Variants in MYO1E observed in about 807,000 individuals in gnomAD.
The protein encoded by MYO1E is myosin IE, also known as unconventional myosin-Ie.
In MYO1E, 68 loss-of-function variants were observed where a neutral mutation model predicts 151.1. That is an observed-to-expected ratio of 0.45 (90% CI 0.37 to 0.55). The LOEUF (loss-of-function observed/expected upper bound fraction) is 0.55, where lower values mean the gene tolerates loss of function less well. Among genes scored for constraint, MYO1E ranks in the 20% least tolerant of loss-of-function variants. MYO1E has a pLI of 0.00. For synonymous variants in MYO1E, 601 were observed against 501.7 expected (o/e 1.20, Z -2.64); for missense variants, 1,363 against 1,389.3 (o/e 0.98, Z 0.30).
At chr15:59,277,686 T>C (rs2080329470) in intron 1 of MYO1E, among the ~76,000 whole-genome samples, 1 of 152,070 alleles carries the variant, frequency 6.6e-6, no homozygotes, top group Non-Finnish European at 1.5e-5. Context: ...AAGTTTGTAA[T>C]AGGGAAACAG....
Position 59,247,287 on chromosome 15 carries a change from G to A in MYO1E, c.332+8997C>T, listed in dbSNP as rs566606571. ...CAAGTCCAGGGGTAACTAACCTGGC[G>A]AACCTGTCCTGACCTCTGTCCTATG... On this transcript the variant is annotated intron_variant, in intron 4 of 27. Transcript: ENST00000288235. Among the ~76,000 whole-genome samples the A allele has an allele frequency of 4.6e-5, 7 of 152,302 alleles. No individual in the cohort carries two copies. The South Asian group carries it at 6.2e-4, about 14-fold the overall frequency.
rs114972027 is a variant in MYO1E at position 59,367,487 on chromosome 15, C to T, written c.3+5011G>A. 2.9e-3 allele frequency among the ~76,000 whole-genome samples: 439 copies of T among 152,288 alleles called. 6 individuals are homozygous for T. The highest frequency in any genetic ancestry group is 0.01 in the African/African-American group (424 of 41,554). On this transcript the variant is annotated intron_variant, in intron 1 of 27. Coordinates refer to ENST00000288235, the MANE Select transcript of MYO1E (RefSeq NM_004998.4). ...AAAAGCTCAATTTGCAGCCTCACCACTCGTGGAACCATCCTACACAGGTGT... is the reference window on the plus strand; with the variant it reads ...AAAAGCTCAATTTGCAGCCTCACCATTCGTGGAACCATCCTACACAGGTGT...
Position 59,175,250 on chromosome 15 carries a change from A to G in MYO1E, c.2050-1010T>C, listed in dbSNP as rs539460916. Reference sequence around the variant, plus strand: ...CTTGATCCACTTGTAAAATAGTAGGAAACCTTCTCATTTACCTTGAGAGTG... The same window carrying G: ...CTTGATCCACTTGTAAAATAGTAGGGAACCTTCTCATTTACCTTGAGAGTG... On this transcript the variant is annotated intron_variant, in intron 19 of 27. Transcript: ENST00000288235. Among the ~76,000 whole-genome samples the G allele has an allele frequency of 3.9e-5, 6 of 152,328 alleles. No individual in the cohort carries two copies. In the South Asian group the frequency reaches 1.2e-3, roughly 32 times the overall value.
At chr15:59,259,136 C>A (rs561622123) in intron 3 of MYO1E, among the ~76,000 whole-genome samples, 2 of 152,244 alleles carry the variant, frequency 1.3e-5, no homozygotes, top group Admixed American at 6.5e-5. Context: ...TTTTGAGACA[C>A]TGACCAAAAC....
At chr15:59,168,062 G>C (rs1293810662) in intron 22 of MYO1E, among the ~76,000 whole-genome samples, 1 of 152,052 alleles carries the variant, frequency 6.6e-6, no homozygotes, top group Non-Finnish European at 1.5e-5. Context: ...ATCTCTCTGA[G>C]CTATTGGCCC....
At chr15:59,361,162 T>C (rs1397148292) in intron 1 of MYO1E, among the ~76,000 whole-genome samples, 2 of 152,076 alleles carry the variant, frequency 1.3e-5, no homozygotes, top group African/African-American at 4.8e-5. Flanking sequence ...CTACCAGACA[T>C]GTGAGTGAGG....
chr15:59,371,092 G>A (rs1373067504), intron 1 of MYO1E, among the ~76,000 whole-genome samples: 2 of 152,194 alleles, frequency 1.3e-5, no homozygotes, highest in Admixed American at 6.5e-5. Context: ...GGGCAAAAGT[G>A]ACTTAATTTT....
At chr15:59,151,448 C>T (rs76437403) in intron 26 of MYO1E, among the ~76,000 whole-genome samples, 4 of 151,760 alleles carry the variant, frequency 2.6e-5, no homozygotes, top group African/African-American at 9.7e-5. Flanking sequence ...AAAAACCCCC[C>T]CCAAAAAAAC....
At chr15:59,261,272 TC>T (rs1306495966) in intron 3 of MYO1E, 147 bp downstream of exon 3, 4 of 403,320 alleles carry the variant, frequency 9.9e-6, no homozygotes, top group Admixed American at 4.3e-5. Context: ...AAAAAGCAGA[TC>T]ATTAAAAATC....
chr15:59,240,811 G>T (rs951631887), intron 4 of MYO1E, among the ~76,000 whole-genome samples: 2 of 152,124 alleles, frequency 1.3e-5, no homozygotes, highest in African/African-American at 4.8e-5. Context: ...GTTTAAAAAG[G>T]ACAAACACTT....
rs1478407196 is a variant in MYO1E, at chr15:59,153,660, T to G, written c.3010A>C (p.Ser1004Arg). 15 of 1,614,042 alleles carry G rather than the reference T, an allele frequency of 9.3e-6. No homozygotes were observed. The highest frequency in any genetic ancestry group is 1.3e-5 in the African/African-American group (1 of 74,906). Residue 1004 changes from serine to arginine, a missense_variant, in exon 26 of 28, where the codon AGT becomes CGT. Ser to Arg is a moderately radical substitution (Grantham distance 110, BLOSUM62 -1). Coordinates refer to ENST00000288235, the MANE Select transcript of MYO1E (RefSeq NM_004998.4). ...RPPLPRQQST[S>R]SDRVSQTPES... is the part of the protein sequence containing the mutation. ...GGCGTCTGTGACACTCGGTCTGAAC[T>G]GGTAGACTGCTGCCGAGGCAAGGGC...
chr15:59,212,276 T>C lies in MYO1E; in HGVS notation c.1276-1676A>G, dbSNP rs192435064. ...GACGTGGTAGGGACTTAGATGGCAA[T>C]GGGAGCAATGGGTTTCATGTGAACC... On this transcript the variant is annotated intron_variant, in intron 12 of 27. Transcript: ENST00000288235. 5.9e-5 allele frequency among the ~76,000 whole-genome samples: 9 copies of C among 151,762 alleles called. No homozygotes were observed. The East Asian group carries it at 1.8e-3, about 30-fold the overall frequency.
intron 1 of MYO1E, among the ~76,000 whole-genome samples, chr15:59,292,286 GT>G (rs1274157127): frequency 6.6e-6 from 1 of 152,172 alleles, no homozygotes; most frequent in African/African-American, 2.4e-5. Context: ...TGTTTCCCTT[GT>G]CTCCAAATGA....
intron 1 of MYO1E, among the ~76,000 whole-genome samples, chr15:59,326,174 T>C (rs1161882273): frequency 6.7e-6 from 1 of 150,106 alleles, no homozygotes; most frequent in African/African-American, 2.4e-5. Context: ...CAGACAGCTA[T>C]GTATTTCCCT....
At chr15:59,307,977 G>T (rs1228877579) in intron 1 of MYO1E, among the ~76,000 whole-genome samples, 2 of 150,590 alleles carry the variant, frequency 1.3e-5, no homozygotes, top group Non-Finnish European at 3.0e-5. Flanking sequence ...AGCACTTGGG[G>T]AGGCCAAGGT....
intron 7 of MYO1E, among the ~76,000 whole-genome samples, chr15:59,226,181 A>G (rs1456888296): frequency 1.3e-5 from 2 of 152,238 alleles, no homozygotes. Context: ...AATTTTAAAA[A>G]TGACTGAATT....
chr15:59,249,595 A>G (rs1428214267), intron 4 of MYO1E, among the ~76,000 whole-genome samples: 1 of 152,120 alleles, frequency 6.6e-6, no homozygotes, highest in African/African-American at 2.4e-5. Flanking sequence ...TGTCATTTAG[A>G]CAAAGTCACA....
chr15:59,163,031 C>T, intron 23 of MYO1E, 126 bp downstream of exon 23: 5 of 1,090,914 alleles, frequency 4.6e-6, no homozygotes, highest in South Asian at 1.4e-5. Context: ...TAAGGTTCCA[C>T]TGGGGCCAGC....
rs1393755130 is a variant in MYO1E, at chr15:59,223,188, C to A, written c.781G>T (p.Ala261Ser). 1.2e-6 allele frequency: 2 copies of A among 1,614,080 alleles called. No individual in the cohort carries two copies. Among genetic ancestry groups the A allele is most frequent in the Non-Finnish European group, 1.7e-6 (2 of 1,180,016 alleles). ...GCAAAGATCCCAATCACATTCATGGCGTGCTGGAAGAGAAAAGAGAAACTA... is the reference window on the plus strand; with the variant it reads ...GCAAAGATCCCAATCACATTCATGGAGTGCTGGAAGAGAAAAGAGAAACTA... ...DRREFQETLH[A>S]MNVIGIFAEE... Residue 261 changes from alanine (A) to serine (S), a missense_variant, in exon 9 of 28, where the codon GCC becomes TCC. Coordinates refer to ENST00000288235, the MANE Select transcript of MYO1E (RefSeq NM_004998.4).
Sources: gnomAD v4.1 joint callset for allele counts (sites outside exome capture counted in the v4.1 genomes callset) on GRCh38, gnomAD v4.1.1 for gene constraint, MANE v1.5 for transcripts, NCBI Gene and HGNC (gene_info 2026-07-23, HGNC 2026-07-21) for gene names.